PTPRM: variants seen among roughly 807,000 people sequenced by gnomAD.
The protein encoded by PTPRM is receptor-type tyrosine-protein phosphatase mu.
A neutral mutation model predicts 186.7 loss-of-function variants in PTPRM; 47 were observed. The observed-to-expected ratio is 0.25, with a 90% CI of 0.20 to 0.32. The LOEUF (loss-of-function observed/expected upper bound fraction) is 0.32. Among genes scored for constraint, PTPRM ranks in the 10% least tolerant of loss-of-function variants. PTPRM has a pLI of 1.00. For missense variants in PTPRM, 1,494 were observed against 1,865.0 expected (o/e 0.80, Z 3.66); for synonymous variants, 668 against 674.9 (o/e 0.99, Z 0.16).
At chr18:8,128,479 T>C (rs770113204) in intron 13 of PTPRM, among the ~76,000 whole-genome samples, 1 of 152,200 alleles carries the variant, frequency 6.6e-6, no homozygotes, top group Non-Finnish European at 1.5e-5. Context: ...CTAGAAAGAA[T>C]GTAAAATGAG....
At chr18:7,822,347 C>T (rs1350307593) in intron 2 of PTPRM, among the ~76,000 whole-genome samples, 1 of 152,188 alleles carries the variant, frequency 6.6e-6, no homozygotes, top group Admixed American at 6.5e-5. Context: ...CTAGCTATAA[C>T]ATTTCCATTT....
At chr18:8,332,346 ATG>A (rs1196468491) in intron 22 of PTPRM, among the ~76,000 whole-genome samples, 1 of 152,174 alleles carries the variant, frequency 6.6e-6, no homozygotes, top group East Asian at 1.9e-4. Context: ...CTGTCCGTTA[ATG>A]TTTGGTTTAT....
chr18:7,789,908 T>G (rs1179452118), intron 2 of PTPRM, among the ~76,000 whole-genome samples: 2 of 152,230 alleles, frequency 1.3e-5, no homozygotes, highest in Non-Finnish European at 2.9e-5. Context: ...AGCATTCACA[T>G]TTTCTTACCC....
At chr18:7,874,241 A>G (rs1427395812) in intron 2 of PTPRM, among the ~76,000 whole-genome samples, 1 of 152,226 alleles carries the variant, frequency 6.6e-6, no homozygotes, top group Non-Finnish European at 1.5e-5. Flanking sequence ...AGTTAGGAAG[A>G]AATGTTTAAT....
chr18:7,860,476 G>A (rs887005298), intron 2 of PTPRM, among the ~76,000 whole-genome samples: 22 of 152,094 alleles, frequency 1.4e-4, no homozygotes, highest in Non-Finnish European at 2.8e-4. Context: ...GGGGGCGGGG[G>A]TCTGTCTTGT....
chr18:7,647,705 G>T (rs1426836561), intron 1 of PTPRM, among the ~76,000 whole-genome samples: 2 of 152,224 alleles, frequency 1.3e-5, no homozygotes, highest in Non-Finnish European at 2.9e-5. Flanking sequence ...AACAACACTT[G>T]CTCCCTTGAC....
chr18:7,773,575 T>G (rs1166958166), intron 1 of PTPRM, among the ~76,000 whole-genome samples: 1 of 38,758 alleles, frequency 2.6e-5, no homozygotes, highest in Non-Finnish European at 5.1e-5. Context: ...TCTTTGTTTT[T>G]TTTTTTTTTT....
chr18:7,994,126 A>G (rs974304876), intron 7 of PTPRM, among the ~76,000 whole-genome samples: 9 of 152,156 alleles, frequency 5.9e-5, no homozygotes, highest in Non-Finnish European at 8.8e-5. Context: ...ATGGGAAAAA[A>G]TAATTTATGC....
At chr18:7,762,403 T>TG (rs1274697384) in intron 1 of PTPRM, among the ~76,000 whole-genome samples, 1 of 151,802 alleles carries the variant, frequency 6.6e-6, no homozygotes, top group Non-Finnish European at 1.5e-5. Flanking sequence ...GGAGGATCAT[T>TG]GGGGGTGAAT....
chr18:7,788,189 G>A (rs772338281), intron 2 of PTPRM, among the ~76,000 whole-genome samples: 9 of 152,118 alleles, frequency 5.9e-5, no homozygotes, highest in Non-Finnish European at 8.8e-5. Context: ...CTGAGTGTTA[G>A]GGTTTTCTTT....
chr18:7,831,311 A>AT (rs2145723610), intron 2 of PTPRM, among the ~76,000 whole-genome samples: 1 of 152,146 alleles, frequency 6.6e-6, no homozygotes, highest in East Asian at 1.9e-4. Flanking sequence ...AAATATATTT[A>AT]TTTTCTGAAC....
At chr18:7,987,313 G>A (rs1895561549) in intron 7 of PTPRM, among the ~76,000 whole-genome samples, 1 of 152,240 alleles carries the variant, frequency 6.6e-6, no homozygotes, top group Non-Finnish European at 1.5e-5. Flanking sequence ...ACTTGGTTAT[G>A]ATGATGTTAG....
intron 2 of PTPRM, among the ~76,000 whole-genome samples, chr18:7,880,354 A>G (rs2048445106): frequency 6.6e-6 from 1 of 152,216 alleles, no homozygotes; most frequent in South Asian, 2.1e-4. Context: ...ACAACTAACA[A>G]ATGGTCTTTT....
At chr18:8,037,679 A>T (rs1162163311) in intron 7 of PTPRM, among the ~76,000 whole-genome samples, 1 of 152,056 alleles carries the variant, frequency 6.6e-6, no homozygotes, top group African/African-American at 2.4e-5. Context: ...TTCTCAGTCC[A>T]ATTCTGATTT....
chr18:8,196,942 G>A (rs192497273), intron 14 of PTPRM, among the ~76,000 whole-genome samples: 4 of 152,290 alleles, frequency 2.6e-5, no homozygotes, highest in African/African-American at 7.2e-5. Flanking sequence ...ACAGGCAAAC[G>A]GAAGAACCAT....
intron 14 of PTPRM, among the ~76,000 whole-genome samples, chr18:8,200,225 G>C (rs1332939352): frequency 1.3e-5 from 2 of 152,184 alleles, no homozygotes; most frequent in African/African-American, 4.8e-5. Flanking sequence ...TGGGATGGCA[G>C]ACATCATTGC....
intron 14 of PTPRM, among the ~76,000 whole-genome samples, chr18:8,201,824 A>T (rs2093862133): frequency 6.6e-6 from 1 of 152,228 alleles, no homozygotes; most frequent in South Asian, 2.1e-4. Context: ...TAGGGATTCG[A>T]CATATGAATT....
chr18:7,843,525 C>A (rs1473700846), intron 2 of PTPRM, among the ~76,000 whole-genome samples: 1 of 152,158 alleles, frequency 6.6e-6, no homozygotes, highest in Non-Finnish European at 1.5e-5. Context: ...TCCCAGACTA[C>A]TAATATATTA....
intron 1 of PTPRM, among the ~76,000 whole-genome samples, chr18:7,679,053 G>A (rs180691728): frequency 6.6e-6 from 1 of 152,236 alleles, no homozygotes; most frequent in East Asian, 1.9e-4. Context: ...TGGATGCTCA[G>A]ATCTTTTAAT....
Sources: gnomAD v4.1 joint callset for allele counts (sites outside exome capture counted in the v4.1 genomes callset) on GRCh38, gnomAD v4.1.1 for gene constraint, MANE v1.5 for transcripts, NCBI Gene and HGNC (gene_info 2026-07-23, HGNC 2026-07-21) for gene names.